The following MKRN1 variants were observed in gnomAD, a reference collection of about 807,000 sequenced individuals.
The protein encoded by MKRN1 is E3 ubiquitin-protein ligase makorin-1.
A neutral mutation model predicts 55.5 loss-of-function variants in MKRN1; 9 were observed. The ratio of observed to expected loss-of-function variants is 0.16; its 90% CI spans 0.10 to 0.28. MKRN1 has a LOEUF of 0.28. Among genes scored for constraint, MKRN1 ranks in the 10% least tolerant of loss-of-function variants. MKRN1 has a pLI of 1.00. For synonymous variants in MKRN1, 253 were observed against 235.9 expected (o/e 1.07, Z -0.66); for missense variants, 488 against 626.7 (o/e 0.78, Z 2.36).
intron 2 of MKRN1, among the ~76,000 whole-genome samples, chr7:140,466,186 C>T (rs112642535): frequency 2.6e-5 from 4 of 152,142 alleles, no homozygotes; most frequent in African/African-American, 7.2e-5. Flanking sequence ...TTAGCTAGTC[C>T]ACAATCAACC....
chr7:140,473,848 C>A (rs1182905075), intron 1 of MKRN1: 3 of 151,198 alleles, frequency 2.0e-5, no homozygotes, highest in African/African-American at 7.3e-5. Context: ...AAAAATTAGC[C>A]GAGTGTGATG....
chr7:140,468,824 A>G (rs937892972), intron 2 of MKRN1, among the ~76,000 whole-genome samples: 1 of 152,046 alleles, frequency 6.6e-6, no homozygotes, highest in Non-Finnish European at 1.5e-5. Flanking sequence ...CAAAATGAGT[A>G]GCAACTAAAC....
intron 2 of MKRN1, among the ~76,000 whole-genome samples, chr7:140,461,564 G>A (rs1233251900): frequency 6.6e-6 from 1 of 152,044 alleles, no homozygotes; most frequent in African/African-American, 2.4e-5. Flanking sequence ...AAACATGGGA[G>A]GTGGAGGGTG....
chr7:140,455,453 AAGC>A (rs1427008392), intron 6 of MKRN1: 10 of 591,470 alleles, frequency 1.7e-5, no homozygotes, highest in Middle Eastern at 2.9e-4. Context: ...GCTCTAGTAC[AAGC>A]AGATGCCATA....
At position 140,454,975 on chromosome 7, in the gene MKRN1, T is replaced by C. The variant is rs1421029609; in HGVS notation, c.1236+120A>G. The C allele has an allele frequency of 6.5e-6, 9 of 1,379,690 alleles. No individual in the cohort carries two copies. In the South Asian group the frequency reaches 1.2e-4, roughly 19 times the overall value. The allele number at this position is 1,379,690 out of a possible 1,614,324, so 85.5% of individuals were successfully genotyped here. On this transcript the variant is annotated intron_variant, in intron 7 of 7. Transcript: ENST00000255977. ...TTCTGAGGTTTGTTTCCTCCTTTAATACTCTACACTTTCGCTCCCAGACCT... is the reference window on the plus strand; with the variant it reads ...TTCTGAGGTTTGTTTCCTCCTTTAACACTCTACACTTTCGCTCCCAGACCT...
At chr7:140,475,380 C>A in intron 1 of MKRN1, 1 of 348,888 alleles carries the variant, frequency 2.9e-6, no homozygotes, top group South Asian at 2.1e-5. Flanking sequence ...ACTTTCAAGG[C>A]CAAGCATGGT....
chr7:140,454,773 T>C (rs776245932), intron 7 of MKRN1, 44 bp from the exon 8 acceptor site: 2 of 1,577,624 alleles, frequency 1.3e-6, no homozygotes, highest in Admixed American at 1.7e-5. Flanking sequence ...TGTCGAGCAG[T>C]ATCTTCTATC....
chr7:140,456,065 C>A, intron 5 of MKRN1, 165 bp from the exon 6 acceptor site: 1 of 948,188 alleles, frequency 1.1e-6, no homozygotes, highest in Non-Finnish European at 1.4e-6. Context: ...CCATTTCTTT[C>A]AAGCAAGGCA....
At position 140,456,768 on chromosome 7, in the gene MKRN1, C is replaced by T; in HGVS notation, c.870G>A (p.Glu290=). The T allele has an allele frequency of 6.2e-7, 1 of 1,614,016 alleles. No homozygotes were observed. Among genetic ancestry groups the T allele is most frequent in the Non-Finnish European group, 8.5e-7 (1 of 1,179,942 alleles). Residue 290 remains glutamate (E), a synonymous_variant, in exon 5 of 8, where the codon GAG becomes GAA. Coordinates refer to ENST00000255977, the MANE Select transcript of MKRN1 (RefSeq NM_013446.4). ...VCGICMEVVY[E]KANPSERRFG... ...AGCGGCGCTCACTGGGGTTGGCTTT[C>T]TCATAGACCACCTCCATGCAGATCC...
chr7:140,456,429 G>C (rs1037321343), intron 5 of MKRN1: 18 of 1,384,180 alleles, frequency 1.3e-5, no homozygotes, highest in Non-Finnish European at 1.6e-5. Context: ...AAAGCACGAA[G>C]ATTCTAACTG....
chr7:140,479,239 C>T lies in MKRN1; in HGVS notation c.106G>A (p.Ala36Thr), dbSNP rs1475355571. 9 of 1,437,424 alleles carry T rather than the reference C, an allele frequency of 6.3e-6. No individual in the cohort carries two copies. In the East Asian group the frequency reaches 2.4e-4, roughly 38 times the overall value. The allele number at this position is 1,437,424 out of a possible 1,614,324, so 89.0% of individuals were successfully genotyped here. Residue 36 changes from alanine (A) to threonine (T), a missense_variant, in exon 1 of 8, where the codon GCC (alanine) becomes ACC (threonine). Ala to Thr is a moderately conservative substitution (Grantham distance 58). Coordinates refer to ENST00000255977, the MANE Select transcript of MKRN1 (RefSeq NM_013446.4). ...CCTCCGCCCGCCCCCAGGGACGGGG[C>T]GGTGACTGTGGGGATCGGGGTGGGG... ...ASPTPIPTVT[A>T]PSLGAGGGGG...
In MKRN1 at chr7:140,473,210, C is replaced by CAAAAAAAAA. The variant is rs534529617; in HGVS notation, c.186-1208_186-1200dup. On this transcript the variant is annotated intron_variant, in intron 1 of 7. Coordinates refer to ENST00000255977, the MANE Select transcript of MKRN1 (RefSeq NM_013446.4). ...ATGTCTTGTTTTTAAATGATACCAC[C>CAAAAAAAAA]AAAAAAAAAAAAAAAAACATCATCC... 40 of 370,406 alleles carry CAAAAAAAAA rather than the reference C, an allele frequency of 1.1e-4. No homozygotes were observed. In the East Asian group the frequency reaches 1.5e-3, roughly 14 times the overall value. 22.9% of individuals were successfully genotyped at this position (370,406 alleles called of 1,614,324 possible). A position where few individuals can be genotyped will look rare whatever the true frequency, so the allele number is the denominator to read the frequency against.
chr7:140,466,938 G>GA (rs1563092816), intron 2 of MKRN1, among the ~76,000 whole-genome samples: 1 of 149,732 alleles, frequency 6.7e-6, no homozygotes, highest in Non-Finnish European at 1.5e-5. Flanking sequence ...AACAAAGAAA[G>GA]AAACAAACAA....
intron 2 of MKRN1, among the ~76,000 whole-genome samples, chr7:140,461,503 C>A (rs559413970): frequency 7.2e-5 from 11 of 152,124 alleles, no homozygotes; most frequent in African/African-American, 2.7e-4. Context: ...CATGGTGGCG[C>A]ACACCTGTAA....
In MKRN1 at chr7:140,479,462, C is replaced by T; in HGVS notation, c.-118G>A. The T allele has an allele frequency of 9.4e-7, 1 of 1,063,084 alleles. No individual in the cohort carries two copies. The highest frequency in any genetic ancestry group is 1.6e-5 in the African/African-American group (1 of 60,930). 65.9% of individuals were successfully genotyped at this position (1,063,084 alleles called of 1,614,324 possible). A position where few individuals can be genotyped will look rare whatever the true frequency, so the allele number is the denominator to read the frequency against. On this transcript the variant is annotated 5_prime_UTR_variant, in exon 1 of 8. Coordinates refer to ENST00000255977, the MANE Select transcript of MKRN1 (RefSeq NM_013446.4). ...GGGAGGGGAAGGACACTGAGGCACC[C>T]GTTCGGTCCCCGCCTGCTACGCGTC...
chr7:140,458,920 G>T, intron 4 of MKRN1, 87 bp downstream of exon 4: 1 of 1,384,914 alleles, frequency 7.2e-7, no homozygotes, highest in Non-Finnish European at 1.0e-6. Context: ...TTCATCAAAT[G>T]TTTCTCTGAA....
rs757764783 is a variant in MKRN1 at position 140,459,849 on chromosome 7, G to A, written c.402C>T (p.Leu134=). The A allele has an allele frequency of 1.9e-6, 3 of 1,613,980 alleles. No individual in the cohort carries two copies. Among genetic ancestry groups the A allele is most frequent in the Non-Finnish European group, 2.5e-6 (3 of 1,179,872 alleles). Reference sequence around the variant, plus strand: ...CAACAAGTGGTCCAACTATCGATGAGAGACTTGAGGAAGCAGCAAGGGATG... The same window carrying A: ...CAACAAGTGGTCCAACTATCGATGAAAGACTTGAGGAAGCAGCAAGGGATG... The part of the protein sequence containing the change: ...TKSSLAASSS[L]SSIVGPLVEM... Residue 134 remains leucine (L), a synonymous_variant, in exon 3 of 8, where the codon CTC becomes CTT. Transcript: ENST00000255977.
In MKRN1 at chr7:140,479,501, C is replaced by A; in HGVS notation, c.-157G>T. On this transcript the variant is annotated 5_prime_UTR_variant, in exon 1 of 8. Coordinates refer to ENST00000255977, the MANE Select transcript of MKRN1 (RefSeq NM_013446.4). The stretch of plus-strand genomic sequence containing the variant: ...CTGCTACGCGTCGCGTATCTGAGCG[C>A]TCTCGCCACTTCAACTGCGGGCCCA... The A allele has an allele frequency of 2.7e-6, 2 of 754,104 alleles. No homozygotes were observed. Among genetic ancestry groups the A allele is most frequent in the Non-Finnish European group, 3.7e-6 (2 of 547,264 alleles). 46.7% of individuals were successfully genotyped at this position (754,104 alleles called of 1,614,324 possible). A position where few individuals can be genotyped will look rare whatever the true frequency, so the allele number is the denominator to read the frequency against.
rs112122053 is a variant in MKRN1, at chr7:140,474,988, G to C, written c.186-2977C>G. 6.7e-3 allele frequency among the ~76,000 whole-genome samples: 1,023 copies of C among 151,986 alleles called. 10 individuals are homozygous for C. Among genetic ancestry groups the C allele is most frequent in the African/African-American group, 0.024 (989 of 41,494 alleles). On this transcript the variant is annotated intron_variant, in intron 1 of 7. Transcript: ENST00000255977. The stretch of plus-strand genomic sequence containing the variant: ...CCTGCCTTGGCCTCCCAAAGTACTA[G>C]AATTACAGGGGTGAGACACCACGCC...
Sources: gnomAD v4.1 joint callset for allele counts (sites outside exome capture counted in the v4.1 genomes callset) on GRCh38, gnomAD v4.1.1 for gene constraint, MANE v1.5 for transcripts, NCBI Gene and HGNC (gene_info 2026-07-23, HGNC 2026-07-21) for gene names.